The following NSD2 variants were observed in gnomAD, a reference collection of about 807,000 sequenced individuals.
NSD2 encodes nuclear receptor binding SET domain protein 2.
A neutral mutation model predicts 139.0 loss-of-function variants in NSD2; 12 were observed. The observed-to-expected ratio is 0.09, with a 90% CI of 0.06 to 0.14. The LOEUF (loss-of-function observed/expected upper bound fraction) is 0.14. Among genes scored for constraint, NSD2 ranks in the 10% least tolerant of loss-of-function variants. NSD2 has a pLI of 1.00. For missense variants in NSD2, 1,155 were observed against 1,745.0 expected (o/e 0.66, Z 6.02); for synonymous variants, 669 against 648.7 (o/e 1.03, Z -0.48).
intron 9 of NSD2, among the ~76,000 whole-genome samples, chr4:1,950,642 G>C (rs1241335689): frequency 6.6e-6 from 1 of 152,112 alleles, no homozygotes; most frequent in Non-Finnish European, 1.5e-5. Flanking sequence ...CTTCATCTGT[G>C]GTTCCTTTAC....
intron 6 of NSD2, among the ~76,000 whole-genome samples, chr4:1,934,532 A>C (rs1000239460): frequency 6.6e-6 from 1 of 151,470 alleles, no homozygotes; most frequent in African/African-American, 2.4e-5. Context: ...GTTATATTTA[A>C]ATTTAATGCT....
intron 9 of NSD2, chr4:1,943,823 T>C: frequency 9.4e-7 from 1 of 1,062,766 alleles, no homozygotes; most frequent in East Asian, 5.1e-5. Context: ...AGACTCTATC[T>C]TGAAAGGCTT....
chr4:1,962,947 T>C (rs1725516586), intron 18 of NSD2, among the ~76,000 whole-genome samples: 1 of 152,156 alleles, frequency 6.6e-6, no homozygotes, highest in Non-Finnish European at 1.5e-5. Context: ...GGGGATAAGC[T>C]AGCAGCACAT....
intron 10 of NSD2, chr4:1,951,865 T>A: frequency 1.8e-6 from 1 of 540,758 alleles, no homozygotes; most frequent in Non-Finnish European, 3.2e-6. Context: ...GTTGTGATCC[T>A]GTTACTTCCT....
chr4:1,876,668 G>A (rs1020370072), intron 1 of NSD2, among the ~76,000 whole-genome samples: 1 of 152,108 alleles, frequency 6.6e-6, no homozygotes, highest in Admixed American at 6.6e-5. Flanking sequence ...TCCAGCCTGG[G>A]AGATAGCACA....
chr4:1,939,576 T>A, intron 8 of NSD2, 78 bp from the exon 9 acceptor site: 3 of 1,400,320 alleles, frequency 2.1e-6, no homozygotes, highest in Non-Finnish European at 3.0e-6. Context: ...ACTTCACTTA[T>A]TTGAGGGGTA....
At chr4:1,941,870 A>G (rs368628697) in intron 9 of NSD2, 1 of 1,061,086 alleles carries the variant, frequency 9.4e-7, no homozygotes, top group African/African-American at 1.6e-5. Flanking sequence ...TGATGTTTCC[A>G]ATGCTGAATG....
intron 18 of NSD2, among the ~76,000 whole-genome samples, chr4:1,965,181 T>C (rs1174548622): frequency 5.3e-5 from 8 of 151,168 alleles, no homozygotes; most frequent in African/African-American, 1.9e-4. Flanking sequence ...ACAGAGACTC[T>C]AAAACATCTG....
intron 3 of NSD2, among the ~76,000 whole-genome samples, chr4:1,913,434 G>A (rs1192853401): frequency 6.6e-6 from 1 of 152,056 alleles, no homozygotes; most frequent in Non-Finnish European, 1.5e-5. Context: ...AGGCCTAACC[G>A]TCTCCCTGTG....
chr4:1,944,928 T>C (rs1463682590), intron 9 of NSD2: 2 of 1,063,278 alleles, frequency 1.9e-6, no homozygotes, highest in African/African-American at 1.6e-5. Context: ...ACAGCTCCAG[T>C]GTTTTTAAGA....
At chr4:1,895,784 AT>A (rs1264832137) in intron 1 of NSD2, among the ~76,000 whole-genome samples, 1 of 152,074 alleles carries the variant, frequency 6.6e-6, no homozygotes, top group Non-Finnish European at 1.5e-5. Flanking sequence ...CTGTTTTGAC[AT>A]TTTTTGGTCT....
chr4:1,873,496 G>A (rs1714022636), intron 1 of NSD2, among the ~76,000 whole-genome samples: 1 of 152,232 alleles, frequency 6.6e-6, no homozygotes, highest in East Asian at 1.9e-4. Context: ...TTTCAAACCA[G>A]TACTTGCTGA....
chr4:1,894,017 A>G (rs1477294821), intron 1 of NSD2: 2 of 152,234 alleles, frequency 1.3e-5, no homozygotes, highest in African/African-American at 4.8e-5. Flanking sequence ...TGTAGCCTCG[A>G]ATTCTTAGGC....
At chr4:1,892,614 G>A (rs1715672621) in intron 1 of NSD2, among the ~76,000 whole-genome samples, 1 of 151,952 alleles carries the variant, frequency 6.6e-6, no homozygotes, top group South Asian at 2.1e-4. Flanking sequence ...CGCCCAGGCT[G>A]GAGTGTAGTG....
chr4:1,906,632 A>G (rs930709893), intron 3 of NSD2, among the ~76,000 whole-genome samples: 6 of 132,012 alleles, frequency 4.5e-5, no homozygotes, highest in Non-Finnish European at 6.4e-5. Context: ...ATATACTGCC[A>G]TTTTTACTTC....
chr4:1,897,155 G>A (rs990374332), intron 1 of NSD2, among the ~76,000 whole-genome samples: 1 of 143,730 alleles, frequency 7.0e-6, no homozygotes, highest in African/African-American at 2.6e-5. Context: ...GGGTGACAGA[G>A]TGAGACTCTG....
intron 5 of NSD2, among the ~76,000 whole-genome samples, chr4:1,923,915 A>T (rs1361024303): frequency 6.6e-6 from 1 of 152,220 alleles, no homozygotes; most frequent in Non-Finnish European, 1.5e-5. Context: ...AAAGGGCCAC[A>T]TACCCACAAC....
intron 6 of NSD2, among the ~76,000 whole-genome samples, chr4:1,931,136 G>A (rs1292606542): frequency 6.6e-6 from 1 of 152,182 alleles, no homozygotes; most frequent in African/African-American, 2.4e-5. Context: ...GGTAGGGTCA[G>A]CCTTCAGGCC....
In NSD2 at chr4:1,978,618, C is replaced by T; in HGVS notation, c.3827-20C>T. The T allele has an allele frequency of 6.3e-7, 1 of 1,590,218 alleles. No individual in the cohort carries two copies. Among genetic ancestry groups the T allele is most frequent in the Non-Finnish European group, 8.6e-7 (1 of 1,163,236 alleles). On this transcript the variant is annotated intron_variant, in intron 21 of 21. Transcript: ENST00000508803. ...TGATTCCATCACTTCTGTGTGCTCA[C>T]ATCTTGTGTTCTGTTGCAGGGAAGT...
Sources: gnomAD v4.1 joint callset for allele counts (sites outside exome capture counted in the v4.1 genomes callset) on GRCh38, gnomAD v4.1.1 for gene constraint, MANE v1.5 for transcripts, NCBI Gene and HGNC (gene_info 2026-07-23, HGNC 2026-07-21) for gene names.